TCF20: variants seen among roughly 807,000 people sequenced by gnomAD.
TCF20 encodes the protein SPRE-binding protein.
In TCF20, 3 loss-of-function variants were observed where a neutral mutation model predicts 148.6. That is an observed-to-expected ratio of 0.02 (90% confidence interval 0.01 to 0.05). The LOEUF (loss-of-function observed/expected upper bound fraction) is 0.05, where lower values mean the gene tolerates loss of function less well. Ranked by LOEUF, TCF20 falls within the 10% of genes least tolerant of loss-of-function variation. The pLI is 1.00. For synonymous variants in TCF20, 1,049 were observed against 909.5 expected, an observed-to-expected ratio of 1.15 and a Z score of -2.76; for missense variants, 2,350 against 2,429.3, an observed-to-expected ratio of 0.97 and a Z score of 0.69.
Position 42,212,668 on chromosome 22 carries a change from G to C in TCF20, c.2638C>G (p.Pro880Ala), listed in dbSNP as rs367951767. Reference protein sequence around the residue: ...ISPLRQIVRDPGAHSLGHMSA... With the variant: ...ISPLRQIVRDAGAHSLGHMSA... ...ATGTGTCCCAGTGAGTGAGCCCCTG[G>C]GTCCCTGACAATCTGTCTTAGTGGA... The change falls in exon 2 of 6, where the codon CCA becomes GCA. Residue 880 changes from proline (P) to alanine (A), a missense_variant. Coordinates refer to ENST00000677622, the MANE Select transcript of TCF20 (RefSeq NM_001378418.1). 3.1e-6 allele frequency: 5 copies of C among 1,614,024 alleles called. No homozygotes were observed. The highest frequency in any genetic ancestry group is 4.2e-6 in the Non-Finnish European group (5 of 1,180,030).
intron 1 of TCF20, among the ~76,000 whole-genome samples, chr22:42,321,247 C>G (rs565655350): frequency 6.6e-6 from 1 of 152,320 alleles, no homozygotes; most frequent in African/African-American, 2.4e-5. Context: ...CGCCTGGCAC[C>G]AGGGATGGGC....
intron 1 of TCF20, among the ~76,000 whole-genome samples, chr22:42,326,370 C>T (rs1042530686): frequency 3.3e-5 from 5 of 152,160 alleles, no homozygotes; most frequent in Non-Finnish European, 7.3e-5. Flanking sequence ...CTGGTGAAGC[C>T]GCCCTGTGAC....
chr22:42,341,177 C>A (rs1484696408), intron 1 of TCF20, among the ~76,000 whole-genome samples: 1 of 152,292 alleles, frequency 6.6e-6, no homozygotes, highest in Non-Finnish European at 1.5e-5. Context: ...TGCAAACCCC[C>A]CAGTCCCCCA....
chr22:42,170,438 T>C (rs1188222074), intron 3 of TCF20, among the ~76,000 whole-genome samples: 11 of 149,344 alleles, frequency 7.4e-5, no homozygotes, highest in Non-Finnish European at 1.5e-4. Flanking sequence ...AGCCCAGGAG[T>C]TCAGACTGCA....
rs1927660536 is a variant in TCF20, at chr22:42,317,832, C to A, written c.-37+25647G>T. ...CAGCCAGCAGGGCCCAATTAGGTAGCCAGCTTCAAAGGCACCCATGAGCCA... is the reference window on the plus strand; with the variant it reads ...CAGCCAGCAGGGCCCAATTAGGTAGACAGCTTCAAAGGCACCCATGAGCCA... On this transcript the variant is annotated intron_variant, in intron 1 of 1. Transcript: ENST00000515426. The surrounding 1 kb of genome is among the most constrained non-coding windows in gnomAD (Gnocchi z 4.2). 6.6e-6 allele frequency among the ~76,000 whole-genome samples: 1 copy of A among 152,166 alleles called. No individual in the cohort carries two copies.
At chr22:42,322,341 C>T (rs1601706098) in intron 1 of TCF20, among the ~76,000 whole-genome samples, 1 of 151,832 alleles carries the variant, frequency 6.6e-6, no homozygotes, top group East Asian at 1.9e-4. Context: ...AAGGGCCTTT[C>T]AGAGGCTGGC....
At chr22:42,315,642 T>C (rs958207790) in intron 1 of TCF20, among the ~76,000 whole-genome samples, 3 of 151,890 alleles carry the variant, frequency 2.0e-5, no homozygotes. Flanking sequence ...GTGCCATGAA[T>C]GAGGGAAGCC....
intron 1 of TCF20, among the ~76,000 whole-genome samples, chr22:42,232,271 T>C (rs1436377409): frequency 1.3e-5 from 2 of 152,170 alleles, no homozygotes; most frequent in Non-Finnish European, 1.5e-5. Context: ...ATAGCCTAGA[T>C]GGGCAGTCGG....
At position 42,270,529 on chromosome 22, in the gene TCF20, C is replaced by T. The variant is rs1488518741; in HGVS notation, c.-227G>A. Reference sequence around the variant, plus strand: ...CGAGGCTCGCTCCGGCCCGCGCGCTCGCTCCCCGGTCAGGCGCGCCTCAGG... The same window carrying T: ...CGAGGCTCGCTCCGGCCCGCGCGCTTGCTCCCCGGTCAGGCGCGCCTCAGG... On this transcript the variant is annotated 5_prime_UTR_variant, in exon 1 of 6. Coordinates refer to ENST00000677622, the MANE Select transcript of TCF20 (RefSeq NM_001378418.1). Among the ~76,000 whole-genome samples, 2 of 145,396 alleles carry T rather than the reference C, an allele frequency of 1.4e-5. No homozygotes were observed. The highest frequency in any genetic ancestry group is 1.4e-4 in the Admixed American group (2 of 14,722).
chr22:42,207,752 T>C (rs1347560789), intron 2 of TCF20, among the ~76,000 whole-genome samples: 1 of 151,744 alleles, frequency 6.6e-6, no homozygotes, highest in Non-Finnish European at 1.5e-5. Flanking sequence ...GAAGCGGAGG[T>C]TGCGGTGAGC....
intron 1 of TCF20, among the ~76,000 whole-genome samples, chr22:42,322,029 CACATGTAAAATATTTGGA>C (rs1927742366): frequency 6.6e-6 from 1 of 151,652 alleles, no homozygotes; most frequent in East Asian, 1.9e-4. Flanking sequence ...GATGAATTCA[CACATGTAAAATATTTGGA>C]ACAAGGCCCA....
At chr22:42,183,234 AGT>A (rs1391218747) in intron 2 of TCF20, among the ~76,000 whole-genome samples, 1 of 152,226 alleles carries the variant, frequency 6.6e-6, no homozygotes, top group Non-Finnish European at 1.5e-5. Context: ...AGAGCCATTC[AGT>A]GTTCTGTCTC....
chr22:42,291,167 C>T (rs1359578076), intron 1 of TCF20, among the ~76,000 whole-genome samples: 1 of 152,192 alleles, frequency 6.6e-6, no homozygotes, highest in East Asian at 1.9e-4. Flanking sequence ...CACAAACTGT[C>T]CAACAAACAC....
chr22:42,312,604 C>T (rs1413221107), intron 1 of TCF20, among the ~76,000 whole-genome samples: 1 of 152,148 alleles, frequency 6.6e-6, no homozygotes, highest in Non-Finnish European at 1.5e-5. Flanking sequence ...TCTATTATCA[C>T]CCATTCCCCA....
chr22:42,164,303 G>C (rs985191539), intron 5 of TCF20, among the ~76,000 whole-genome samples: 3 of 145,306 alleles, frequency 2.1e-5, no homozygotes, highest in African/African-American at 7.8e-5. Flanking sequence ...CAAGCTCCAC[G>C]TCCCGGGTTC....
chr22:42,310,449 G>GT (rs970976528), intron 1 of TCF20, among the ~76,000 whole-genome samples: 3 of 141,542 alleles, frequency 2.1e-5, no homozygotes, highest in African/African-American at 5.1e-5. Flanking sequence ...GTGCGGGGGG[G>GT]AGTAAGTGGT....
chr22:42,275,684 A>T (rs1926762847), intron 1 of TCF20, among the ~76,000 whole-genome samples: 1 of 152,206 alleles, frequency 6.6e-6, no homozygotes, highest in Non-Finnish European at 1.5e-5. Context: ...TGTACAGAGC[A>T]GGAAATGGGT....
intron 1 of TCF20, among the ~76,000 whole-genome samples, chr22:42,244,144 T>C (rs762177324): frequency 1.3e-5 from 2 of 152,064 alleles, no homozygotes; most frequent in Non-Finnish European, 2.9e-5. Context: ...GTGAAGCCTG[T>C]AGTGATCCAC....
At chr22:42,208,871 T>C (rs938528964) in intron 2 of TCF20, among the ~76,000 whole-genome samples, 2 of 152,224 alleles carry the variant, frequency 1.3e-5, no homozygotes, top group Admixed American at 6.5e-5. Context: ...TAAGATCTCA[T>C]AGAGTAGCCA....
Sources: gnomAD v4.1 joint callset for allele counts (sites outside exome capture counted in the v4.1 genomes callset) on GRCh38, gnomAD v4.1.1 for gene constraint, Gnocchi (gnomAD v3.1) non-coding constraint, MANE v1.5 for transcripts, NCBI Gene and HGNC (gene_info 2026-07-23, HGNC 2026-07-21) for gene names.